The following RPS6KB1 variants were observed in gnomAD, a reference collection of about 807,000 sequenced individuals.
The protein encoded by RPS6KB1 is ribosomal protein S6 kinase B1.
In RPS6KB1, 12 loss-of-function variants were observed where a neutral mutation model predicts 70.2. The observed-to-expected ratio is 0.17, with a 90% confidence interval of 0.11 to 0.28. The LOEUF (loss-of-function observed/expected upper bound fraction) is 0.28. RPS6KB1 is among the 10% of genes least tolerant of loss of function. The probability of loss-of-function intolerance (pLI) is 1.00; values close to 1 mark genes in which losing one functional copy is unlikely to be tolerated. For synonymous variants in RPS6KB1, 175 were observed against 211.2 expected (o/e 0.83, Z 1.49); for missense variants, 270 against 646.6 (o/e 0.42, Z 6.32).
chr17:59,911,785 A>G (rs1342769834), intron 2 of RPS6KB1, among the ~76,000 whole-genome samples: 1 of 151,684 alleles, frequency 6.6e-6, no homozygotes, highest in Non-Finnish European at 1.5e-5. Context: ...TAGTGGAGAC[A>G]GGGTTTTACC....
intron 14 of RPS6KB1, 45 bp downstream of exon 14, chr17:59,945,563 C>A: frequency 2.0e-6 from 2 of 1,021,556 alleles, no homozygotes; most frequent in Non-Finnish European, 3.0e-6. Context: ...TTTAAACAAC[C>A]TACAAGAGTG....
chr17:59,938,189 G>GGT (rs1568492939), intron 12 of RPS6KB1, among the ~76,000 whole-genome samples: 1 of 143,242 alleles, frequency 7.0e-6, no homozygotes, highest in Non-Finnish European at 1.5e-5. Flanking sequence ...TTTTTTGGGG[G>GGT]GGGGATAGGG....
At chr17:59,937,414 C>CT (rs2044306854) in intron 12 of RPS6KB1, among the ~76,000 whole-genome samples, 2 of 152,174 alleles carry the variant, frequency 1.3e-5, no homozygotes, top group Admixed American at 1.3e-4. Context: ...AACCGGGTGG[C>CT]TTAGACAACA....
chr17:59,914,534 T>C, intron 3 of RPS6KB1, 101 bp from the exon 4 acceptor site: 2 of 845,232 alleles, frequency 2.4e-6, no homozygotes, highest in Admixed American at 2.2e-5. Context: ...ATAGTTTTTA[T>C]AATATAAACT....
In RPS6KB1 at chr17:59,947,534, G is replaced by C. The variant is rs1333318965; in HGVS notation, c.*746G>C. 2.8e-5 allele frequency: 43 copies of C among 1,532,350 alleles called. No homozygotes were observed. The highest frequency in any genetic ancestry group is 3.8e-5 in the Non-Finnish European group (43 of 1,135,148). 94.9% of individuals were successfully genotyped at this position (1,532,350 alleles called of 1,614,324 possible). A position where few individuals can be genotyped will look rare whatever the true frequency, so the allele number is the denominator to read the frequency against. On this transcript the variant is annotated 3_prime_UTR_variant, in exon 15 of 15. Coordinates refer to ENST00000225577, the MANE Select transcript of RPS6KB1 (RefSeq NM_003161.4). The stretch of plus-strand genomic sequence containing the variant: ...TTTCAGTAACCCAGCTGCAATACCT[G>C]TCTGTAATATGAGAAAAAAAAAATG...
At chr17:59,911,626 C>A (rs2042649577) in intron 2 of RPS6KB1, among the ~76,000 whole-genome samples, 1 of 145,714 alleles carries the variant, frequency 6.9e-6, no homozygotes, top group Admixed American at 7.2e-5. Flanking sequence ...CCCACTGCAA[C>A]CTCTGCCTCC....
chr17:59,901,983 A>T lies in RPS6KB1; in HGVS notation c.142-8579A>T, dbSNP rs148219418. ...GCCGTGATCCTGCCACTGCACTTCA[A>T]CCTGCGCAACAGAATGAGAACCTGT... On this transcript the variant is annotated intron_variant, in intron 1 of 14. Transcript: ENST00000225577. Among the ~76,000 whole-genome samples the T allele has an allele frequency of 8.2e-5, 12 of 145,972 alleles. 1 individual carries two copies. In the East Asian group the frequency reaches 1.8e-3, roughly 22 times the overall value.
In RPS6KB1 at chr17:59,893,177, C is replaced by A. The variant is rs1313496352; in HGVS notation, c.-8C>A. ...AGCGGCTGTGGTGGCTGCGGCGGGT[C>A]CGGGCCCATGAGGCGACGAAGGAGG... On this transcript the variant is annotated 5_prime_UTR_variant, in exon 1 of 15. Coordinates refer to ENST00000225577, the MANE Select transcript of RPS6KB1 (RefSeq NM_003161.4). This position sits in a 1 kb window ranked among gnomAD's most constrained non-coding sequence, Gnocchi z 4.1. 1.5e-5 allele frequency: 24 copies of A among 1,564,366 alleles called. No individual in the cohort carries two copies. The highest frequency in any genetic ancestry group is 2.1e-5 in the Non-Finnish European group (24 of 1,155,690).
intron 1 of RPS6KB1, among the ~76,000 whole-genome samples, chr17:59,902,613 C>T (rs1472602352): frequency 2.0e-5 from 3 of 149,698 alleles, no homozygotes; most frequent in South Asian, 2.1e-4. Flanking sequence ...GGTCTCACTC[C>T]GTTGCCCATG....
chr17:59,943,189 T>G lies in RPS6KB1; in HGVS notation c.1228-2217T>G, dbSNP rs532501775. Among the ~76,000 whole-genome samples the G allele has an allele frequency of 2.0e-5, 3 of 152,270 alleles. No homozygotes were observed. The East Asian group carries it at 5.8e-4, about 29-fold the overall frequency. On this transcript the variant is annotated intron_variant, in intron 13 of 14. Coordinates refer to ENST00000225577, the MANE Select transcript of RPS6KB1 (RefSeq NM_003161.4). ...CATGTTTTTAAATTCAAGTTTGATG[T>G]GTGCATGATCAAAGTTACGGCATCT...
intron 1 of RPS6KB1, among the ~76,000 whole-genome samples, chr17:59,898,595 A>G (rs1207970586): frequency 6.6e-6 from 1 of 151,820 alleles, no homozygotes; most frequent in Non-Finnish European, 1.5e-5. Flanking sequence ...CTGGGATTAC[A>G]GGTGCCGACT....
intron 5 of RPS6KB1, among the ~76,000 whole-genome samples, chr17:59,929,157 A>C (rs1598779583): frequency 6.6e-6 from 1 of 150,604 alleles, no homozygotes; most frequent in Non-Finnish European, 1.5e-5. Flanking sequence ...TTGAGACGGA[A>C]TCTCACTCTG....
chr17:59,913,635 T>C (rs2042776182), intron 3 of RPS6KB1: 1 of 152,210 alleles, frequency 6.6e-6, no homozygotes, highest in African/African-American at 2.4e-5. Flanking sequence ...TCAAGTGCCT[T>C]ATATAAAATG....
chr17:59,938,115 A>G (rs578225296), intron 12 of RPS6KB1, among the ~76,000 whole-genome samples: 2 of 149,050 alleles, frequency 1.3e-5, no homozygotes, highest in South Asian at 2.2e-4. Flanking sequence ...ATCACACCTC[A>G]GAAGTTGACA....
chr17:59,896,893 G>C (rs1390496668), intron 1 of RPS6KB1, among the ~76,000 whole-genome samples: 1 of 151,428 alleles, frequency 6.6e-6, no homozygotes, highest in East Asian at 1.9e-4. Flanking sequence ...AGGAGATTCG[G>C]TGACATCCAG....
At chr17:59,926,056 C>G (rs1399889398) in intron 4 of RPS6KB1, among the ~76,000 whole-genome samples, 4 of 152,114 alleles carry the variant, frequency 2.6e-5, no homozygotes, top group Non-Finnish European at 1.5e-5. Context: ...CTTTTTTTCC[C>G]TGAGACTTTG....
chr17:59,924,831 ATTTATTTATTTT>A, intron 4 of RPS6KB1, among the ~76,000 whole-genome samples: 1 of 149,850 alleles, frequency 6.7e-6, no homozygotes, highest in East Asian at 2.0e-4. Flanking sequence ...TTATTTATTT[ATTTATTTATTTT>A]TTTGAGACGG....
intron 1 of RPS6KB1, among the ~76,000 whole-genome samples, chr17:59,900,882 C>A (rs961192431): frequency 1.2e-4 from 18 of 151,688 alleles, no homozygotes; most frequent in Non-Finnish European, 1.6e-4. Context: ...TACCACTCGG[C>A]CGGGCGCAGT....
intron 13 of RPS6KB1, 109 bp downstream of exon 13, chr17:59,941,052 ACT>A: frequency 1.9e-6 from 1 of 526,642 alleles, no homozygotes; most frequent in Non-Finnish European, 3.2e-6. Flanking sequence ...AACCTGGCCC[ACT>A]TTTTTTTTTT....
Sources: allele counts gnomAD v4.1 joint callset (sites outside exome capture counted in the v4.1 genomes callset), GRCh38; gene constraint gnomAD v4.1.1; non-coding constraint Gnocchi (gnomAD v3.1); transcripts MANE v1.5; gene names NCBI Gene and HGNC (gene_info 2026-07-23, HGNC 2026-07-21).